The following SDK2 variants were observed in gnomAD, a reference collection of about 807,000 sequenced individuals.
SDK2 encodes protein sidekick-2.
A neutral mutation model predicts 253.9 loss-of-function variants in SDK2; 105 were observed. The observed-to-expected ratio is 0.41, with a 90% confidence interval of 0.35 to 0.49. SDK2 has a LOEUF of 0.49. SDK2 is among the 20% of genes least tolerant of loss of function. SDK2 has a pLI of 0.06. For synonymous variants in SDK2, 1,249 were observed against 1,234.9 expected (o/e 1.01, Z -0.24); for missense variants, 2,608 against 3,003.0 (o/e 0.87, Z 3.07).
intron 4 of SDK2, among the ~76,000 whole-genome samples, chr17:73,449,597 C>T (rs865900961): frequency 8.8e-5 from 12 of 137,010 alleles, no homozygotes; most frequent in African/African-American, 2.4e-4. Flanking sequence ...GATGCCCCCC[C>T]ACCTCTTTTT....
intron 3 of SDK2, among the ~76,000 whole-genome samples, chr17:73,457,898 G>A (rs924595066): frequency 1.3e-5 from 2 of 152,154 alleles, no homozygotes; most frequent in South Asian, 4.1e-4. Flanking sequence ...CAACCTGGCT[G>A]CACTTTAGCA....
At position 73,639,379 on chromosome 17, in the gene SDK2, C is replaced by T. The variant is rs149105904; in HGVS notation, c.64+4646G>A. Reference sequence around the variant, plus strand: ...GGGGATGCTGAGCATCCCTGCTCAACGCTGCTCACTGGCTCTGCCTCCTGC... The same window carrying T: ...GGGGATGCTGAGCATCCCTGCTCAATGCTGCTCACTGGCTCTGCCTCCTGC... On this transcript the variant is annotated intron_variant, in intron 1 of 44. Coordinates refer to ENST00000392650, the MANE Select transcript of SDK2 (RefSeq NM_001144952.2). The surrounding 1 kb of genome is among the most constrained non-coding windows in gnomAD (Gnocchi z 4.3). Among the ~76,000 whole-genome samples the T allele has an allele frequency of 4.1e-4, 62 of 152,296 alleles. 1 individual carries two copies. In the East Asian group the frequency reaches 5.2e-3, roughly 13 times the overall value.
intron 1 of SDK2, among the ~76,000 whole-genome samples, chr17:73,600,458 C>T (rs2045822100): frequency 6.6e-6 from 1 of 152,014 alleles, no homozygotes. Context: ...GTGGAGAGGG[C>T]GACAGCAATC....
chr17:73,369,785 A>G (rs988605516), intron 36 of SDK2, among the ~76,000 whole-genome samples: 1 of 152,110 alleles, frequency 6.6e-6, no homozygotes, highest in Non-Finnish European at 1.5e-5. Context: ...TAGCTGGGAC[A>G]CAGGCACCCG....
intron 1 of SDK2, chr17:73,521,395 A>C (rs2064078279): frequency 6.6e-6 from 1 of 152,162 alleles, no homozygotes; most frequent in Non-Finnish European, 1.5e-5. Context: ...AAAAATAAAA[A>C]ACATACAATG....
At chr17:73,398,483 G>C (rs1389388519) in intron 22 of SDK2, 54 bp from the exon 23 acceptor site, 1 of 1,476,138 alleles carries the variant, frequency 6.8e-7, no homozygotes, top group Admixed American at 1.7e-5. Context: ...CACACGGGGT[G>C]CTCCGAGCCC....
At position 73,372,477 on chromosome 17, in the gene SDK2, G is replaced by A. The variant is rs540922121; in HGVS notation, c.4981-3884C>T. Among the ~76,000 whole-genome samples, 7 of 152,344 alleles carry A rather than the reference G, an allele frequency of 4.6e-5. No homozygotes were observed. The East Asian group carries it at 1.4e-3, about 29-fold the overall frequency. On this transcript the variant is annotated intron_variant, in intron 36 of 44. Coordinates refer to ENST00000392650, the MANE Select transcript of SDK2 (RefSeq NM_001144952.2). The stretch of plus-strand genomic sequence containing the variant: ...AAATGCCTTATGTGGACAGGGGCAA[G>A]CATGGGAGTGCACCATTATAATCAC...
intron 2 of SDK2, among the ~76,000 whole-genome samples, chr17:73,498,145 A>G (rs557074089): frequency 6.6e-6 from 1 of 152,346 alleles, no homozygotes; most frequent in East Asian, 1.9e-4. Context: ...TTAGGACCAT[A>G]TCACCAGCAG....
intron 23 of SDK2, 34 bp from the exon 24 acceptor site, chr17:73,398,219 G>A (rs576199502): frequency 3.7e-6 from 6 of 1,601,626 alleles, no homozygotes; most frequent in Non-Finnish European, 5.1e-6. Flanking sequence ...AGATGGTAAG[G>A]GCAGCTCACC....
intron 1 of SDK2, among the ~76,000 whole-genome samples, chr17:73,630,751 G>A (rs941220910): frequency 3.3e-5 from 5 of 152,118 alleles, no homozygotes; most frequent in South Asian, 2.1e-4. Flanking sequence ...TCGTCCCCAC[G>A]CCTTCCTGCT....
At chr17:73,346,164 C>T (rs1043946424) in intron 44 of SDK2, among the ~76,000 whole-genome samples, 1 of 150,394 alleles carries the variant, frequency 6.6e-6, no homozygotes, top group Non-Finnish European at 1.5e-5. Flanking sequence ...TGAGATCGCG[C>T]ACCATCATAC....
intron 1 of SDK2, among the ~76,000 whole-genome samples, chr17:73,587,784 G>C (rs1216270981): frequency 6.6e-6 from 1 of 152,192 alleles, no homozygotes; most frequent in Admixed American, 6.5e-5. Flanking sequence ...CCCTGAACTG[G>C]CTTCTCCTTT....
chr17:73,589,013 C>T (rs920572954), intron 1 of SDK2, among the ~76,000 whole-genome samples: 1 of 152,262 alleles, frequency 6.6e-6, no homozygotes, highest in Non-Finnish European at 1.5e-5. Context: ...AAGCCAGAGC[C>T]GGGGTCCTCC....
intron 1 of SDK2, among the ~76,000 whole-genome samples, chr17:73,554,402 G>A (rs1236344086): frequency 1.3e-5 from 2 of 152,214 alleles, no homozygotes; most frequent in African/African-American, 4.8e-5. Context: ...GTTAAATGAA[G>A]CCATTGGGGT....
chr17:73,384,856 G>C (rs1442195552), intron 32 of SDK2, among the ~76,000 whole-genome samples: 1 of 152,174 alleles, frequency 6.6e-6, no homozygotes, highest in African/African-American at 2.4e-5. Flanking sequence ...CCAAAAACCT[G>C]CTGAAACAGC....
intron 39 of SDK2, among the ~76,000 whole-genome samples, chr17:73,360,059 G>A (rs1297322659): frequency 2.6e-5 from 4 of 152,190 alleles, no homozygotes; most frequent in African/African-American, 9.7e-5. Context: ...AGAACAGCCT[G>A]TCCTCCGCAC....
At position 73,398,384 on chromosome 17, in the gene SDK2, G is replaced by T; in HGVS notation, c.3139C>A (p.Leu1047Ile). 1 of 1,614,004 alleles carries T rather than the reference G, an allele frequency of 6.2e-7. No individual in the cohort carries two copies. Among genetic ancestry groups the T allele is most frequent in the Non-Finnish European group, 8.5e-7 (1 of 1,179,874 alleles). Residue 1047 changes from leucine (L) to isoleucine (I), a missense_variant, in exon 23 of 45, where the codon CTC becomes ATC. Physicochemically the swap from Leu to Ile is conservative, Grantham distance 5. Transcript: ENST00000392650. ...GAGCGGGCATCGGGCTCATTGGAGA[G>T]CTGGTGGATCAGCAACCACTCCTCT... ...EGEEWLLIHQ[L>I]SNEPDARSME...
chr17:73,436,105 G>A (rs868105980), intron 8 of SDK2, among the ~76,000 whole-genome samples: 14 of 152,114 alleles, frequency 9.2e-5, no homozygotes, highest in Middle Eastern at 3.4e-3. Flanking sequence ...GTGTGCTCTG[G>A]GAACCTCCAA....
At chr17:73,449,882 C>T (rs533236861) in intron 4 of SDK2, among the ~76,000 whole-genome samples, 20 of 152,092 alleles carry the variant, frequency 1.3e-4, no homozygotes, top group Admixed American at 1.3e-4. Flanking sequence ...GAGGTCGCAC[C>T]GTTGCACTCC....
Sources: allele counts gnomAD v4.1 joint callset (sites outside exome capture counted in the v4.1 genomes callset), GRCh38; gene constraint gnomAD v4.1.1; non-coding constraint Gnocchi (gnomAD v3.1); transcripts MANE v1.5; gene names NCBI Gene and HGNC (gene_info 2026-07-23, HGNC 2026-07-21).